The following MYZAP variants were observed in gnomAD, a reference collection of about 807,000 sequenced individuals.
MYZAP encodes the protein GRINL1A complex locus upstream.
MYZAP carries 66 observed loss-of-function variants against 69.4 expected under a neutral mutation model. The ratio of observed to expected loss-of-function variants is 0.95; its 90% CI spans 0.78 to 1.17. The LOEUF is 1.17. MYZAP is among the 50% of genes most tolerant of loss of function. The pLI is 0.00. For synonymous variants in MYZAP, 256 were observed against 205.9 expected (o/e 1.24, Z -2.09); for missense variants, 611 against 556.2 (o/e 1.10, Z -0.99).
chr15:57,643,746 T>G lies in MYZAP; in HGVS notation c.1119+4201T>G, dbSNP rs185338361. On this transcript the variant is annotated intron_variant, in intron 10 of 12. Transcript: ENST00000267853. ...TCTTAAGAGGTTTTTTTTTTGTTTT[T>G]TTTTTTTTTAAGCTATATCCCAGTG... is the stretch of plus-strand genomic sequence containing the variant. Among the ~76,000 whole-genome samples the G allele has an allele frequency of 1.6e-3, 251 of 152,258 alleles. 1 individual carries two copies. The highest frequency in any genetic ancestry group is 2.5e-3 in the Non-Finnish European group (168 of 68,012).
At chr15:57,682,833 C>T (rs7359330) in intron 12 of MYZAP, among the ~76,000 whole-genome samples, 15,553 of 152,132 alleles carry the variant, frequency 0.1, 1,022 homozygotes, top group Middle Eastern at 0.18. Flanking sequence ...CCCCTTCTTC[C>T]TGGAGTTCCC....
chr15:57,601,274 TTGTGTG>T (rs10679285), intron 1 of MYZAP, among the ~76,000 whole-genome samples: 7 of 148,248 alleles, frequency 4.7e-5, no homozygotes, highest in Admixed American at 3.4e-4. Context: ...GTGTGCACAC[TTGTGTG>T]TGTGTGTGTG....
In MYZAP at chr15:57,618,907, C is replaced by T. The variant is rs544032356; in HGVS notation, c.318+719C>T. Reference sequence around the variant, plus strand: ...TGGCCTGCTCTGACACTGATGGGCTCACATTACAGACCAGTGGCTTAGAAA... The same window carrying T: ...TGGCCTGCTCTGACACTGATGGGCTTACATTACAGACCAGTGGCTTAGAAA... On this transcript the variant is annotated intron_variant, in intron 3 of 12. Transcript: ENST00000267853. 1.3e-4 allele frequency among the ~76,000 whole-genome samples: 20 copies of T among 152,288 alleles called. No homozygotes were observed. In the South Asian group the frequency reaches 3.9e-3, roughly 30 times the overall value.
intron 2 of MYZAP, among the ~76,000 whole-genome samples, chr15:57,606,667 A>G (rs955980557): frequency 6.6e-6 from 1 of 152,160 alleles, no homozygotes; most frequent in Non-Finnish European, 1.5e-5. Flanking sequence ...AGCATGGCAC[A>G]TGTATACATA....
intron 5 of MYZAP, among the ~76,000 whole-genome samples, chr15:57,628,901 G>A (rs1009261942): frequency 2.0e-5 from 3 of 151,918 alleles, no homozygotes; most frequent in Non-Finnish European, 2.9e-5. Context: ...TGGCCAATAC[G>A]GTGAAACCCC....
At chr15:57,658,783 T>C (rs1045479261) in intron 10 of MYZAP, among the ~76,000 whole-genome samples, 3 of 152,174 alleles carry the variant, frequency 2.0e-5, no homozygotes, top group South Asian at 4.1e-4. Flanking sequence ...CAAAACATGA[T>C]TGAATGTTTT....
chr15:57,632,624 G>T, intron 7 of MYZAP, 65 bp downstream of exon 7: 1 of 1,597,438 alleles, frequency 6.3e-7, no homozygotes, highest in Non-Finnish European at 8.5e-7. Context: ...TGTTGGTGAT[G>T]TATACGTAGT....
chr15:57,663,669 G>T (rs1429836159), intron 11 of MYZAP, among the ~76,000 whole-genome samples: 1 of 152,104 alleles, frequency 6.6e-6, no homozygotes, highest in Non-Finnish European at 1.5e-5. Context: ...GCCTGCCCTC[G>T]GCAGAGCCAG....
At chr15:57,653,903 G>A (rs1444938916) in intron 10 of MYZAP, among the ~76,000 whole-genome samples, 2 of 149,508 alleles carry the variant, frequency 1.3e-5, no homozygotes, top group Non-Finnish European at 1.5e-5. Flanking sequence ...TACTTGGGAG[G>A]CTGAGATGGG....
chr15:57,618,374 G>C (rs1377826367), intron 3 of MYZAP, among the ~76,000 whole-genome samples, 186 bp downstream of exon 3: 3 of 152,246 alleles, frequency 2.0e-5, no homozygotes, highest in Non-Finnish European at 4.4e-5. Context: ...AAATCTGCAA[G>C]GAAGGAAAGG....
chr15:57,643,702 A>G (rs1000032553), intron 10 of MYZAP, among the ~76,000 whole-genome samples: 1 of 151,038 alleles, frequency 6.6e-6, no homozygotes, highest in Non-Finnish European at 1.5e-5. Flanking sequence ...GATATTGTTT[A>G]GCTGAATAAA....
At chr15:57,639,912 G>A (rs368822989) in intron 10 of MYZAP, among the ~76,000 whole-genome samples, 45 of 151,978 alleles carry the variant, frequency 3.0e-4, no homozygotes, top group African/African-American at 6.0e-4. Flanking sequence ...CTCCACAGCC[G>A]TCTGTCTGTC....
At chr15:57,616,362 G>A (rs778485238) in intron 2 of MYZAP, among the ~76,000 whole-genome samples, 3 of 152,122 alleles carry the variant, frequency 2.0e-5, no homozygotes, top group African/African-American at 4.8e-5. Flanking sequence ...AAAATTGGCT[G>A]GGCGCAGTGG....
intron 10 of MYZAP, among the ~76,000 whole-genome samples, chr15:57,653,097 G>C (rs1288119054): frequency 6.6e-6 from 1 of 152,130 alleles, no homozygotes; most frequent in Non-Finnish European, 1.5e-5. Flanking sequence ...AACAAAGCAG[G>C]GGTGTTGGGG....
chr15:57,599,420 T>G, intron 1 of MYZAP: 1 of 1,109,050 alleles, frequency 9.0e-7, no homozygotes, highest in South Asian at 2.4e-5. Flanking sequence ...TAATAGGTGC[T>G]CAGTAACTGA....
At chr15:57,657,381 T>C (rs982485526) in intron 10 of MYZAP, among the ~76,000 whole-genome samples, 12 of 152,190 alleles carry the variant, frequency 7.9e-5, no homozygotes, top group African/African-American at 1.9e-4. Flanking sequence ...GAACTATTTC[T>C]ACAAAAATGG....
At chr15:57,593,782 G>C (rs1433178907) in intron 1 of MYZAP, among the ~76,000 whole-genome samples, 1 of 152,158 alleles carries the variant, frequency 6.6e-6, no homozygotes, top group Non-Finnish European at 1.5e-5. Flanking sequence ...CTGGAAGGAA[G>C]GTATCTAAAG....
At chr15:57,672,185 C>T (rs2038898756) in intron 11 of MYZAP, among the ~76,000 whole-genome samples, 1 of 152,170 alleles carries the variant, frequency 6.6e-6, no homozygotes, top group African/African-American at 2.4e-5. Flanking sequence ...TCTGACTCTC[C>T]TCTTTTGCCT....
At position 57,675,067 on chromosome 15, in the gene MYZAP, A is replaced by G; in HGVS notation, c.1303A>G (p.Ser435Gly). 6.3e-7 allele frequency: 1 copy of G among 1,594,752 alleles called. No individual in the cohort carries two copies. Among genetic ancestry groups the G allele is most frequent in the Non-Finnish European group, 8.5e-7 (1 of 1,173,478 alleles). ...EIGVGCDLLPSQTGRTREIVM... is the reference protein window; with the variant it reads ...EIGVGCDLLPGQTGRTREIVM... ...AGGAGTGGGCTGTGATCTTCTACCCAGGTATTTAGGAATTTCCTGATTTTT... is the reference window on the plus strand; with the variant it reads ...AGGAGTGGGCTGTGATCTTCTACCCGGGTATTTAGGAATTTCCTGATTTTT... Residue 435 changes from serine (S) to glycine (G), a missense_variant and splice_region_variant, in exon 12 of 13, where the codon AGC (serine) becomes GGC (glycine). Coordinates refer to ENST00000267853, the MANE Select transcript of MYZAP (RefSeq NM_001018100.5).
Sources: gnomAD v4.1 joint callset for allele counts (sites outside exome capture counted in the v4.1 genomes callset) on GRCh38, gnomAD v4.1.1 for gene constraint, MANE v1.5 for transcripts, NCBI Gene and HGNC (gene_info 2026-07-23, HGNC 2026-07-21) for gene names.